Variants in LTBP1 observed in about 807,000 individuals in gnomAD.
LTBP1 encodes latent-transforming growth factor beta-binding protein 1.
LTBP1 carries 129 observed loss-of-function variants against 207.6 expected under a neutral mutation model. The ratio of observed to expected loss-of-function variants is 0.62; its 90% CI spans 0.54 to 0.72. LTBP1 has a LOEUF of 0.72. Ranked by LOEUF, LTBP1 falls within the 30% of genes least tolerant of loss-of-function variation. The pLI is 0.00. For synonymous variants in LTBP1, 963 were observed against 833.7 expected (o/e 1.16, Z -2.67); for missense variants, 2,281 against 2,217.2 (o/e 1.03, Z -0.58).
rs2093414935 is a variant in LTBP1 at position 33,275,809 on chromosome 2, G to A, written c.2878G>A (p.Glu960Lys). 3 of 1,614,006 alleles carry A rather than the reference G, an allele frequency of 1.9e-6. No individual in the cohort carries two copies. The highest frequency in any genetic ancestry group is 2.5e-6 in the Non-Finnish European group (3 of 1,179,960). Residue 960 changes from glutamate (E) to lysine (K), a missense_variant, in exon 18 of 34, where the codon GAA becomes AAA. Transcript: ENST00000404816. The stretch of plus-strand genomic sequence containing the variant: ...CTATCTGCTCTTCGTAGATGTTGAC[G>A]AATGCCTGAGGCCGGACGTCTGTGG... ...EEGTNCIDVD[E>K]CLRPDVCGEG... is the part of the protein sequence containing the mutation.
intron 2 of LTBP1, among the ~76,000 whole-genome samples, chr2:33,008,106 A>G (rs554424854): frequency 1.3e-5 from 2 of 152,232 alleles, no homozygotes; most frequent in Non-Finnish European, 2.9e-5. Context: ...TGTTTTATAA[A>G]GCTTATTTTT....
intron 13 of LTBP1, among the ~76,000 whole-genome samples, chr2:33,261,639 T>A (rs1247437220): frequency 1.3e-5 from 2 of 152,302 alleles, no homozygotes; most frequent in East Asian, 3.9e-4. Flanking sequence ...AAGGTGACTT[T>A]AAACCTGGAT....
Position 33,134,567 on chromosome 2 carries a change from C to T in LTBP1, c.1034-226C>T, listed in dbSNP as rs898618751. 6.5e-6 allele frequency: 10 copies of T among 1,533,526 alleles called. No individual in the cohort carries two copies. Among genetic ancestry groups the T allele is most frequent in the Admixed American group, 4.0e-5 (2 of 50,502 alleles). The allele number at this position is 1,533,526 out of a possible 1,614,324, so 95.0% of individuals were successfully genotyped here. ...TGGTTTTGGAGTGCATCCCAGAGTT[C>T]TGTTTGCTAAGCTTCCTACTCCTGT... is the stretch of plus-strand genomic sequence containing the variant. On this transcript the variant is annotated intron_variant, in intron 4 of 33. Transcript: ENST00000404816. The surrounding 1 kb of genome is among the most constrained non-coding windows in gnomAD (Gnocchi z 4.4).
At chr2:33,130,260 C>T (rs945491444) in intron 4 of LTBP1, among the ~76,000 whole-genome samples, 2 of 152,136 alleles carry the variant, frequency 1.3e-5, no homozygotes, top group Non-Finnish European at 2.9e-5. Flanking sequence ...TCTCTTTAAA[C>T]CGGGTGGTGG....
At chr2:33,234,384 C>A (rs915057372) in intron 9 of LTBP1, among the ~76,000 whole-genome samples, 4 of 152,060 alleles carry the variant, frequency 2.6e-5, no homozygotes, top group African/African-American at 9.7e-5. Flanking sequence ...CGGGCACATT[C>A]AGGGTGGTAT....
At chr2:33,091,101 C>T (rs2079063112) in intron 3 of LTBP1, among the ~76,000 whole-genome samples, 1 of 152,158 alleles carries the variant, frequency 6.6e-6, no homozygotes, top group South Asian at 2.1e-4. Flanking sequence ...CCTCCCTGTC[C>T]ATGTCCAGAA....
In LTBP1 at chr2:32,994,506, G is replaced by C. The variant is rs189063887; in HGVS notation, c.566-26403G>C. ...TTTGAGATAGAGTTTCGCTCTTGTT[G>C]CCCAGGCTGGAGTGCAGTGGTGCGA... is the stretch of plus-strand genomic sequence containing the variant. On this transcript the variant is annotated intron_variant, in intron 2 of 33. Coordinates refer to ENST00000404816, the MANE Select transcript of LTBP1 (RefSeq NM_206943.4). 3.2e-3 allele frequency among the ~76,000 whole-genome samples: 472 copies of C among 148,570 alleles called. 2 individuals carry two copies. Among genetic ancestry groups the C allele is most frequent in the Admixed American group, 8.4e-3 (124 of 14,836 alleles).
At chr2:32,990,097 CCAGT>C (rs1684178533) in intron 2 of LTBP1, among the ~76,000 whole-genome samples, 1 of 152,118 alleles carries the variant, frequency 6.6e-6, no homozygotes, top group Non-Finnish European at 1.5e-5. Context: ...AGAGCAAGAC[CCAGT>C]CTTTAAAAAA....
At chr2:33,153,442 G>A (rs571213631) in intron 5 of LTBP1, among the ~76,000 whole-genome samples, 1 of 152,116 alleles carries the variant, frequency 6.6e-6, no homozygotes, top group Non-Finnish European at 1.5e-5. Context: ...GGCCAATAAG[G>A]CTGCAGAGGA....
intron 25 of LTBP1, among the ~76,000 whole-genome samples, chr2:33,343,842 C>A (rs983906684): frequency 3.3e-5 from 5 of 152,108 alleles, no homozygotes; most frequent in African/African-American, 1.2e-4. Flanking sequence ...GATTTCTTCA[C>A]GTCAAACTCA....
chr2:33,283,027 C>G (rs1421755067), intron 19 of LTBP1, among the ~76,000 whole-genome samples: 4 of 138,462 alleles, frequency 2.9e-5, no homozygotes, highest in African/African-American at 1.1e-4. Flanking sequence ...TGCGCCACTG[C>G]ACTCCAGCCT....
In LTBP1 at chr2:33,398,399, T is replaced by C. The variant is rs1320436649; in HGVS notation, c.5020T>C (p.Ser1674Pro). Reference sequence around the variant, plus strand: ...ATGCGATGAGTTGAACAACCGGATGTCTCTCTGCAAGAATGCCAAGTGCAT... The same window carrying C: ...ATGCGATGAGTTGAACAACCGGATGCCTCTCTGCAAGAATGCCAAGTGCAT... ...NECDELNNRM[S>P]LCKNAKCINT... Residue 1674 changes from serine (S) to proline (P), a missense_variant, in exon 34 of 34, where the codon TCT becomes CCT. Ser to Pro is a moderately conservative substitution (Grantham distance 74, BLOSUM62 -1). Transcript: ENST00000404816. 1 of 1,613,998 alleles carries C rather than the reference T, an allele frequency of 6.2e-7. No individual in the cohort carries two copies. The highest frequency in any genetic ancestry group is 1.1e-5 in the South Asian group (1 of 91,072).
intron 3 of LTBP1, among the ~76,000 whole-genome samples, chr2:33,049,771 C>G (rs12464733): frequency 6.6e-6 from 1 of 152,020 alleles, no homozygotes; most frequent in Non-Finnish European, 1.5e-5. Flanking sequence ...TTGAGATTCT[C>G]TAATCCTGGT....
At chr2:32,966,535 G>C (rs1680033909) in intron 2 of LTBP1, among the ~76,000 whole-genome samples, 1 of 152,082 alleles carries the variant, frequency 6.6e-6, no homozygotes, top group African/African-American at 2.4e-5. Context: ...GATGTTCTTT[G>C]TCAAGTTAGG....
chr2:33,289,455 G>A (rs545454079), intron 19 of LTBP1, among the ~76,000 whole-genome samples: 118 of 152,168 alleles, frequency 7.8e-4, no homozygotes, highest in Middle Eastern at 3.4e-3. Flanking sequence ...TAACTCCTGG[G>A]CTCCAGTGAT....
At chr2:33,196,932 G>T (rs192344389) in intron 7 of LTBP1, among the ~76,000 whole-genome samples, 3 of 152,318 alleles carry the variant, frequency 2.0e-5, no homozygotes, top group Admixed American at 2.0e-4. Flanking sequence ...CATTTCTTTG[G>T]ATTGCATTAT....
chr2:33,334,590 G>A (rs1292243388), intron 24 of LTBP1, among the ~76,000 whole-genome samples: 2 of 152,106 alleles, frequency 1.3e-5, no homozygotes, highest in African/African-American at 4.8e-5. Flanking sequence ...CAGTAATCAA[G>A]GATGACTCCC....
At chr2:33,203,277 A>G (rs2089520152) in intron 7 of LTBP1, among the ~76,000 whole-genome samples, 1 of 152,218 alleles carries the variant, frequency 6.6e-6, no homozygotes, top group African/African-American at 2.4e-5. Context: ...AAGAAAGATC[A>G]GCAGAGACAG....
chr2:33,205,121 C>T (rs2089733522), intron 7 of LTBP1, among the ~76,000 whole-genome samples: 2 of 152,178 alleles, frequency 1.3e-5, no homozygotes, highest in Non-Finnish European at 2.9e-5. Flanking sequence ...AGATCAATGT[C>T]AAACAGAGTG....
Sources: allele counts gnomAD v4.1 joint callset (sites outside exome capture counted in the v4.1 genomes callset), GRCh38; gene constraint gnomAD v4.1.1; non-coding constraint Gnocchi (gnomAD v3.1); transcripts MANE v1.5; gene names NCBI Gene and HGNC (gene_info 2026-07-23, HGNC 2026-07-21).